WWOX: variants seen among roughly 807,000 people sequenced by gnomAD.
The protein encoded by WWOX is WW domain-containing oxidoreductase.
A neutral mutation model predicts 46.2 loss-of-function variants in WWOX; 69 were observed. That is an observed-to-expected ratio of 1.49 (90% CI 1.23 to 1.82). The LOEUF (loss-of-function observed/expected upper bound fraction) is 1.82. Ranked by LOEUF, WWOX falls within the 40% of genes most tolerant of loss-of-function variation. The pLI is 0.00. For synonymous variants in WWOX, 359 were observed against 202.6 expected (o/e 1.77, Z -6.56); for missense variants, 919 against 542.6 (o/e 1.69, Z -6.89).
intron 8 of WWOX, among the ~76,000 whole-genome samples, chr16:78,701,834 C>T (rs936829513): frequency 2.6e-5 from 4 of 151,114 alleles, no homozygotes; most frequent in South Asian, 2.1e-4. Context: ...TCCATGATGG[C>T]GCAGCTCTCA....
chr16:78,138,371 A>T (rs1296936932), intron 4 of WWOX, among the ~76,000 whole-genome samples: 1 of 137,616 alleles, frequency 7.3e-6, no homozygotes, highest in Non-Finnish European at 1.6e-5. Context: ...CTTCAGGAGA[A>T]CTCAGTTGAG....
At chr16:78,902,229 C>G (rs1466764362) in intron 8 of WWOX, among the ~76,000 whole-genome samples, 3 of 152,202 alleles carry the variant, frequency 2.0e-5, no homozygotes, top group Non-Finnish European at 4.4e-5. Flanking sequence ...GTGTCAACAA[C>G]TTAGCCTGGT....
At chr16:78,543,378 T>G (rs1012464731) in intron 8 of WWOX, among the ~76,000 whole-genome samples, 4 of 152,192 alleles carry the variant, frequency 2.6e-5, no homozygotes, top group South Asian at 2.1e-4. Flanking sequence ...ACACTATGGA[T>G]TTTTACTACA....
rs753755525 is a variant in WWOX, at chr16:78,314,711, T to G, written c.517-72149T>G. Among the ~76,000 whole-genome samples, 757 of 140,766 alleles carry G rather than the reference T, an allele frequency of 5.4e-3. 7 individuals are homozygous for G. Among genetic ancestry groups the G allele is most frequent in the Non-Finnish European group, 8.1e-3 (530 of 65,784 alleles). The allele number at this position is 140,766 out of a possible 152,430, so 92.3% of individuals were successfully genotyped here. A position where few individuals can be genotyped will look rare whatever the true frequency, so the allele number is the denominator to read the frequency against. On this transcript the variant is annotated intron_variant, in intron 5 of 8. Coordinates refer to ENST00000566780, the MANE Select transcript of WWOX (RefSeq NM_016373.4). ...GGGTTTTTTTTTTTTGTTTTTTTTT[T>G]TTTTTTTTTTCTGTATTTTCAGTAG...
At chr16:79,119,178 T>C (rs559320545) in intron 8 of WWOX, among the ~76,000 whole-genome samples, 2 of 140,590 alleles carry the variant, frequency 1.4e-5, no homozygotes, top group Middle Eastern at 7.3e-3. Flanking sequence ...CTAACCAGTA[T>C]TGAGTGCTCA....
At chr16:78,641,058 A>G (rs1056116001) in intron 8 of WWOX, among the ~76,000 whole-genome samples, 1 of 152,146 alleles carries the variant, frequency 6.6e-6, no homozygotes. Flanking sequence ...TGTAACATAG[A>G]ACAGCTGAAA....
intron 8 of WWOX, among the ~76,000 whole-genome samples, chr16:78,811,460 C>T (rs117092947): frequency 1.3e-5 from 2 of 151,664 alleles, no homozygotes. Context: ...TTTCCCTTTC[C>T]TTTCTCCTCT....
intron 8 of WWOX, among the ~76,000 whole-genome samples, chr16:79,110,333 GC>G (rs1314006944): frequency 6.6e-6 from 1 of 151,892 alleles, no homozygotes; most frequent in Non-Finnish European, 1.5e-5. Context: ...ACATGCCCCT[GC>G]CAACCTCCCC....
chr16:79,079,972 T>G (rs1048315497), intron 8 of WWOX, among the ~76,000 whole-genome samples: 1 of 152,214 alleles, frequency 6.6e-6, no homozygotes, highest in Non-Finnish European at 1.5e-5. Flanking sequence ...CAGATTTTAT[T>G]TATTCTACGG....
intron 8 of WWOX, among the ~76,000 whole-genome samples, chr16:78,647,305 G>T (rs186299808): frequency 3.3e-5 from 5 of 152,118 alleles, no homozygotes; most frequent in Non-Finnish European, 4.4e-5. Context: ...ATGCTGGCCC[G>T]GCCCAGGCGA....
chr16:78,680,408 C>G (rs1351619697), intron 8 of WWOX, among the ~76,000 whole-genome samples: 2 of 152,042 alleles, frequency 1.3e-5, no homozygotes, highest in Admixed American at 1.3e-4. Flanking sequence ...GTGTCACGTG[C>G]CTGTAGTCCT....
intron 8 of WWOX, among the ~76,000 whole-genome samples, chr16:78,986,077 G>T (rs2046779050): frequency 6.6e-6 from 1 of 152,232 alleles, no homozygotes; most frequent in Admixed American, 6.5e-5. Flanking sequence ...ATGGGAGCGT[G>T]TGGGAATGTC....
chr16:78,891,707 C>T (rs571166655), intron 8 of WWOX: 96 of 152,246 alleles, frequency 6.3e-4, no homozygotes, highest in African/African-American at 2.2e-3. Flanking sequence ...TCCTTCTTTT[C>T]TAAATTGGTC....
rs138213313 is a variant in WWOX, at chr16:78,355,462, C to T, written c.517-31398C>T. 5.1e-3 allele frequency: 1,624 copies of T among 321,334 alleles called. 6 individuals carry two copies. Among genetic ancestry groups the T allele is most frequent in the Middle Eastern group, 0.014 (10 of 732 alleles). The allele number at this position is 321,334 out of a possible 1,614,324, so 19.9% of individuals were successfully genotyped here. ...CTAAAAGTACAAAAAATTAGCCTGG[C>T]GTGGTGGCGGGCACCTGTAGTCCCA... On this transcript the variant is annotated intron_variant, in intron 5 of 8. Transcript: ENST00000566780.
chr16:79,112,142 C>A (rs2049428781), intron 8 of WWOX, among the ~76,000 whole-genome samples: 1 of 152,144 alleles, frequency 6.6e-6, no homozygotes, highest in Non-Finnish European at 1.5e-5. Flanking sequence ...CTCCTACCAA[C>A]ATGAGAAGCT....
At chr16:79,170,742 ATGTT>A (rs1434592271) in intron 8 of WWOX, among the ~76,000 whole-genome samples, 1 of 151,480 alleles carries the variant, frequency 6.6e-6, no homozygotes, top group Non-Finnish European at 1.5e-5. Flanking sequence ...CTTTTTCTGT[ATGTT>A]TCTAAATTTA....
intron 4 of WWOX, among the ~76,000 whole-genome samples, chr16:78,160,324 C>A (rs2034753160): frequency 6.6e-6 from 1 of 152,036 alleles, no homozygotes; most frequent in Admixed American, 6.6e-5. Context: ...GGAATTTTGC[C>A]ATGTTGCCCA....
intron 8 of WWOX, among the ~76,000 whole-genome samples, chr16:78,473,448 C>G (rs2084279229): frequency 6.6e-6 from 1 of 152,054 alleles, no homozygotes; most frequent in Admixed American, 6.6e-5. Flanking sequence ...TACAGTATGA[C>G]AAGGGAAGAG....
chr16:78,745,201 C>G (rs923580106), intron 8 of WWOX, among the ~76,000 whole-genome samples: 7 of 152,172 alleles, frequency 4.6e-5, no homozygotes, highest in African/African-American at 1.7e-4. Flanking sequence ...CCTGGAAGAA[C>G]TCAGTATTAA....
Sources: allele counts gnomAD v4.1 joint callset (sites outside exome capture counted in the v4.1 genomes callset), GRCh38; gene constraint gnomAD v4.1.1; transcripts MANE v1.5; gene names NCBI Gene and HGNC (gene_info 2026-07-23, HGNC 2026-07-21).